Variants in MALRD1 observed in about 807,000 individuals in gnomAD.
MALRD1 encodes the protein MAM and LDL-receptor class A domain-containing protein 1.
A neutral mutation model predicts 242.1 loss-of-function variants in MALRD1; 247 were observed. The observed-to-expected ratio is 1.02, with a 90% CI of 0.92 to 1.13. The LOEUF (loss-of-function observed/expected upper bound fraction) is 1.13. Among genes scored for constraint, MALRD1 ranks in the 50% most tolerant of loss-of-function variants. MALRD1 has a pLI of 0.00. For missense variants in MALRD1, 2,989 were observed against 2,533.1 expected (o/e 1.18, Z -3.86); for synonymous variants, 995 against 866.6 (o/e 1.15, Z -2.60).
chr10:19,141,398 A>G (rs1037148858), intron 10 of MALRD1, among the ~76,000 whole-genome samples: 1 of 152,128 alleles, frequency 6.6e-6, no homozygotes, highest in Non-Finnish European at 1.5e-5. Flanking sequence ...GATGGAAATT[A>G]TTGCTTAATG....
intron 21 of MALRD1, among the ~76,000 whole-genome samples, chr10:19,298,148 CAT>C (rs1465629587): frequency 2.0e-5 from 3 of 151,948 alleles, no homozygotes; most frequent in Non-Finnish European, 4.4e-5. Flanking sequence ...TACATCAAAA[CAT>C]AGCAGAAAAG....
rs547469122 is a variant in MALRD1 at position 19,613,763 on chromosome 10, G to A, written c.6071-2094G>A. 6.6e-5 allele frequency among the ~76,000 whole-genome samples: 10 copies of A among 152,120 alleles called. No individual in the cohort carries two copies. The South Asian group carries it at 1.5e-3, about 22-fold the overall frequency. Reference sequence around the variant, plus strand: ...AGCTGTGTGTCTCTGAATTTTTTCTGCACTATCTTTGTATTATGAGCAATT... The same window carrying A: ...AGCTGTGTGTCTCTGAATTTTTTCTACACTATCTTTGTATTATGAGCAATT... On this transcript the variant is annotated intron_variant, in intron 35 of 39. Coordinates refer to ENST00000454679, the MANE Select transcript of MALRD1 (RefSeq NM_001142308.3).
At chr10:19,517,435 G>A (rs1051903057) in intron 31 of MALRD1, among the ~76,000 whole-genome samples, 4 of 152,190 alleles carry the variant, frequency 2.6e-5, no homozygotes, top group Non-Finnish European at 5.9e-5. Context: ...CACACAAGGA[G>A]GACCTGTTAG....
At chr10:19,145,488 A>G (rs953517850) in intron 10 of MALRD1, among the ~76,000 whole-genome samples, 1 of 149,220 alleles carries the variant, frequency 6.7e-6, no homozygotes, top group Non-Finnish European at 1.5e-5. Flanking sequence ...TCCTAAAAAT[A>G]AAAAAAAAAT....
intron 5 of MALRD1, among the ~76,000 whole-genome samples, chr10:19,120,368 A>G (rs1268248270): frequency 6.6e-6 from 1 of 152,210 alleles, no homozygotes; most frequent in Non-Finnish European, 1.5e-5. Flanking sequence ...AAAAAATTAA[A>G]TATGAGATTT....
chr10:19,539,285 T>A (rs1485204073), intron 32 of MALRD1, among the ~76,000 whole-genome samples: 1 of 152,144 alleles, frequency 6.6e-6, no homozygotes, highest in African/African-American at 2.4e-5. Context: ...TTGTCCAAGG[T>A]CATAGAGCTG....
At chr10:19,175,094 T>G in intron 13 of MALRD1, 114 bp from the exon 14 acceptor site, 1 of 746,808 alleles carries the variant, frequency 1.3e-6, no homozygotes, top group East Asian at 3.7e-5. Flanking sequence ...TTTTCTAAAA[T>G]TAGATTGGAG....
At chr10:19,558,888 T>G (rs183667764) in intron 32 of MALRD1, among the ~76,000 whole-genome samples, 1 of 152,226 alleles carries the variant, frequency 6.6e-6, no homozygotes, top group East Asian at 1.9e-4. Flanking sequence ...TATATATTGT[T>G]AATAATATTT....
At chr10:19,130,052 G>A (rs1776148133) in intron 8 of MALRD1, among the ~76,000 whole-genome samples, 1 of 151,732 alleles carries the variant, frequency 6.6e-6, no homozygotes. Context: ...TAATTTTCCT[G>A]GCATTCTGGA....
Position 19,387,514 on chromosome 10 carries a change from T to C in MALRD1, c.4442-14T>C, listed in dbSNP as rs1223636446. On this transcript the variant is annotated splice_polypyrimidine_tract_variant and intron_variant, in intron 26 of 39. Coordinates refer to ENST00000454679, the MANE Select transcript of MALRD1 (RefSeq NM_001142308.3). ...AGTGTTCGCTCATTCTTGTTTTCTT[T>C]TGTTTTGTTTTAGGTTTCTGCCCAC... 1 of 1,547,294 alleles carries C rather than the reference T, an allele frequency of 6.5e-7. No homozygotes were observed. Among genetic ancestry groups the C allele is most frequent in the East Asian group, 2.4e-5 (1 of 40,902 alleles).
intron 29 of MALRD1, among the ~76,000 whole-genome samples, chr10:19,484,372 T>A (rs2131189724): frequency 6.6e-6 from 1 of 152,362 alleles, no homozygotes; most frequent in African/African-American, 2.4e-5. Context: ...CATACATATT[T>A]ACTTGTATGT....
chr10:19,179,249 C>A (rs1011980856), intron 14 of MALRD1, among the ~76,000 whole-genome samples: 2 of 152,166 alleles, frequency 1.3e-5, no homozygotes, highest in African/African-American at 4.8e-5. Context: ...TACTAATCAA[C>A]AGGCATACAT....
At chr10:19,225,774 T>A (rs570419696) in intron 18 of MALRD1, among the ~76,000 whole-genome samples, 4 of 152,334 alleles carry the variant, frequency 2.6e-5, no homozygotes, top group South Asian at 4.1e-4. Flanking sequence ...GAAAAGACTT[T>A]ACTTTTTATT....
chr10:19,550,453 T>C (rs1452519424), intron 32 of MALRD1, among the ~76,000 whole-genome samples: 1 of 152,098 alleles, frequency 6.6e-6, no homozygotes, highest in African/African-American at 2.4e-5. Flanking sequence ...GCCAAATAAC[T>C]AGTACCAATT....
intron 26 of MALRD1, among the ~76,000 whole-genome samples, chr10:19,372,791 T>C (rs192393910): frequency 6.2e-4 from 95 of 152,202 alleles, no homozygotes; most frequent in African/African-American, 2.2e-3. Context: ...TTAAACTCCA[T>C]TTATGTATTA....
At chr10:19,323,067 C>A (rs1383530204) in intron 21 of MALRD1, among the ~76,000 whole-genome samples, 1 of 151,930 alleles carries the variant, frequency 6.6e-6, no homozygotes, top group Non-Finnish European at 1.5e-5. Context: ...TTGTTTCCAT[C>A]ATTATTTTTC....
At chr10:19,081,865 C>T (rs1057335556) in intron 2 of MALRD1, among the ~76,000 whole-genome samples, 26 of 151,760 alleles carry the variant, frequency 1.7e-4, no homozygotes, top group African/African-American at 6.0e-4. Flanking sequence ...TCTTTTATAC[C>T]CTTTTACTTT....
At position 19,183,456 on chromosome 10, in the gene MALRD1, T is replaced by G. The variant is rs886845871; in HGVS notation, c.1951+8128T>G. ...TAAGGAGGAAAAGGCAATGCCACCC[T>G]CAGGATTTCTATTTATGAACTTAAA... On this transcript the variant is annotated intron_variant, in intron 14 of 39. Coordinates refer to ENST00000454679, the MANE Select transcript of MALRD1 (RefSeq NM_001142308.3). Among the ~76,000 whole-genome samples, 4 of 152,188 alleles carry G rather than the reference T, an allele frequency of 2.6e-5. No individual in the cohort carries two copies. The South Asian group carries it at 8.3e-4, about 31-fold the overall frequency.
intron 18 of MALRD1, among the ~76,000 whole-genome samples, chr10:19,235,556 C>T (rs920508136): frequency 3.6e-5 from 5 of 139,628 alleles, no homozygotes; most frequent in Non-Finnish European, 6.1e-5. Flanking sequence ...ACTCAGGACA[C>T]ACACACCCAC....
Sources: allele counts gnomAD v4.1 joint callset (sites outside exome capture counted in the v4.1 genomes callset), GRCh38; gene constraint gnomAD v4.1.1; transcripts MANE v1.5; gene names NCBI Gene and HGNC (gene_info 2026-07-23, HGNC 2026-07-21).